The following ITGBL1 variants were observed in gnomAD, a reference collection of about 807,000 sequenced individuals.
The protein encoded by ITGBL1 is integrin beta-like protein 1.
Under a neutral mutation model 68.5 loss-of-function variants are expected in ITGBL1, and 51 were observed. The observed-to-expected ratio is 0.74, with a 90% CI of 0.59 to 0.94. The LOEUF (loss-of-function observed/expected upper bound fraction) is 0.94. ITGBL1 is among the 40% of genes least tolerant of loss of function. The pLI is 0.00. For synonymous variants in ITGBL1, 209 were observed against 227.3 expected (o/e 0.92, Z 0.72); for missense variants, 649 against 647.4 (o/e 1.00, Z -0.03).
At chr13:101,538,864 T>C (rs918211266) in intron 2 of ITGBL1, among the ~76,000 whole-genome samples, 15 of 152,030 alleles carry the variant, frequency 9.9e-5, no homozygotes, top group South Asian at 2.1e-4. Context: ...TTTATAGTCA[T>C]TATTTTACAT....
Position 101,577,335 on chromosome 13 carries a change from A to C in ITGBL1, c.586+1789A>C, listed in dbSNP as rs190772229. Among the ~76,000 whole-genome samples, 864 of 152,296 alleles carry C rather than the reference A, an allele frequency of 5.7e-3. 4 individuals carry two copies. The highest frequency in any genetic ancestry group is 9.3e-3 in the Non-Finnish European group (630 of 68,010). ...ATCAGTTTGCACAAAGCAAAGAATT[A>C]TGTTTATTGTCTGGAATATGTATTG... On this transcript the variant is annotated intron_variant, in intron 4 of 10. Transcript: ENST00000376180.
At chr13:101,643,486 G>A (rs867775044) in intron 7 of ITGBL1, among the ~76,000 whole-genome samples, 87 of 152,198 alleles carry the variant, frequency 5.7e-4, no homozygotes, top group African/African-American at 1.8e-3. Context: ...GGGTTTTCTA[G>A]ATATACAGTC....
intron 7 of ITGBL1, among the ~76,000 whole-genome samples, chr13:101,601,550 C>T (rs930550702): frequency 6.6e-6 from 1 of 152,096 alleles, no homozygotes; most frequent in Non-Finnish European, 1.5e-5. Flanking sequence ...TTAGATCTTT[C>T]CTGCTTTCTC....
At chr13:101,652,868 C>A (rs367905394) in intron 7 of ITGBL1, among the ~76,000 whole-genome samples, 16 of 152,064 alleles carry the variant, frequency 1.1e-4, no homozygotes, top group Admixed American at 3.3e-4. Flanking sequence ...GAGGCCGAGG[C>A]GGGCAGATCA....
In ITGBL1 at chr13:101,480,536, T is replaced by C. The variant is rs148346336; in HGVS notation, c.316+26436T>C. ...TAAAAGAATACAATTGGAATGTTTGTAACACAAATAAATGATAAGTGCTTG... is the reference window on the plus strand; with the variant it reads ...TAAAAGAATACAATTGGAATGTTTGCAACACAAATAAATGATAAGTGCTTG... On this transcript the variant is annotated intron_variant, in intron 2 of 10. Coordinates refer to ENST00000376180, the MANE Select transcript of ITGBL1 (RefSeq NM_004791.3). Among the ~76,000 whole-genome samples, 627 of 152,122 alleles carry C rather than the reference T, an allele frequency of 4.1e-3. 3 individuals are homozygous for C. Among genetic ancestry groups the C allele is most frequent in the African/African-American group, 0.014 (595 of 41,524 alleles).
At chr13:101,703,901 GATT>G (rs982814990) in intron 8 of ITGBL1, among the ~76,000 whole-genome samples, 19 of 152,318 alleles carry the variant, frequency 1.2e-4, no homozygotes, top group African/African-American at 4.6e-4. Flanking sequence ...AAGGCAGCCA[GATT>G]CTCTTATCTG....
At chr13:101,597,107 CA>C (rs2030017885) in intron 6 of ITGBL1, among the ~76,000 whole-genome samples, 2 of 152,268 alleles carry the variant, frequency 1.3e-5, no homozygotes, top group African/African-American at 4.8e-5. Context: ...TCATCAGTTA[CA>C]GCAAGTGTAC....
chr13:101,677,559 C>T (rs1241584499), intron 7 of ITGBL1, among the ~76,000 whole-genome samples: 5 of 152,138 alleles, frequency 3.3e-5, no homozygotes, highest in South Asian at 2.1e-4. Flanking sequence ...GGAATTCTCT[C>T]GTAGGTCTCA....
chr13:101,715,589 T>C lies in ITGBL1; in HGVS notation c.1420T>C (p.Cys474Arg). The C allele has an allele frequency of 6.2e-7, 1 of 1,613,232 alleles. No homozygotes were observed. The highest frequency in any genetic ancestry group is 8.5e-7 in the Non-Finnish European group (1 of 1,179,258). The change falls in exon 11 of 11, where the codon TGT becomes CGT. Residue 474 changes from cysteine (C) to arginine (R), a missense_variant. Physicochemically the swap from Cys to Arg is radical, Grantham distance 180. Transcript: ENST00000376180. Reference protein sequence around the residue: ...TGNGICSCGNCECWDGWNGNA... With the variant: ...TGNGICSCGNRECWDGWNGNA... ...GAATGGAATATGTAGCTGTGGAAAC[T>C]GTGAATGCTGGGATGGATGGAATGG...
intron 2 of ITGBL1, among the ~76,000 whole-genome samples, chr13:101,475,007 A>G (rs1003229163): frequency 6.6e-6 from 1 of 152,144 alleles, no homozygotes; most frequent in South Asian, 2.1e-4. Context: ...AACAATAAAT[A>G]CCTAACTCTT....
intron 3 of ITGBL1, among the ~76,000 whole-genome samples, chr13:101,569,025 A>ACACACACACACAC (rs2050227306): frequency 9.6e-6 from 1 of 103,654 alleles, no homozygotes. Context: ...CACCCCTCCA[A>ACACACACACACAC]ACACACACAC....
At chr13:101,530,447 T>C (rs2139157815) in intron 2 of ITGBL1, among the ~76,000 whole-genome samples, 1 of 152,238 alleles carries the variant, frequency 6.6e-6, no homozygotes, top group African/African-American at 2.4e-5. Context: ...GGGTGATCCT[T>C]TTCCCCACCC....
chr13:101,641,513 GTCTT>G (rs925360364), intron 7 of ITGBL1, among the ~76,000 whole-genome samples: 137 of 148,846 alleles, frequency 9.2e-4, no homozygotes, highest in African/African-American at 2.4e-3. Context: ...GTGTTTATGT[GTCTT>G]TCTTTTTTAT....
intron 7 of ITGBL1, among the ~76,000 whole-genome samples, chr13:101,637,848 A>G (rs2139423203): frequency 6.6e-6 from 1 of 152,346 alleles, no homozygotes; most frequent in African/African-American, 2.4e-5. Context: ...GAGGTCATTT[A>G]GCAGCTCATG....
At chr13:101,453,021 C>A in intron 1 of ITGBL1, 90 bp downstream of exon 1, 1 of 1,051,368 alleles carries the variant, frequency 9.5e-7, no homozygotes, top group Non-Finnish European at 1.5e-6. Flanking sequence ...AAGCCAAGAG[C>A]TGTTATTAAA....
chr13:101,655,357 A>C (rs555837211), intron 7 of ITGBL1, among the ~76,000 whole-genome samples: 6 of 151,864 alleles, frequency 4.0e-5, no homozygotes, highest in Non-Finnish European at 8.8e-5. Flanking sequence ...ATTTAAATGT[A>C]CTGAAACGCA....
intron 7 of ITGBL1, among the ~76,000 whole-genome samples, chr13:101,639,406 T>G (rs2032288894): frequency 6.6e-6 from 1 of 152,160 alleles, no homozygotes. Context: ...CTAATCATCA[T>G]TTGGAATTGG....
chr13:101,686,391 G>A (rs1279320562), intron 7 of ITGBL1, among the ~76,000 whole-genome samples: 1 of 152,126 alleles, frequency 6.6e-6, no homozygotes, highest in East Asian at 1.9e-4. Context: ...ATTTTTGAAG[G>A]CAGTTCACTG....
chr13:101,687,016 T>G (rs886491661), intron 7 of ITGBL1, among the ~76,000 whole-genome samples: 13 of 152,142 alleles, frequency 8.5e-5, no homozygotes, highest in African/African-American at 3.1e-4. Flanking sequence ...TTATTACATA[T>G]ATTGTGACCT....
Sources: gnomAD v4.1 joint callset for allele counts (sites outside exome capture counted in the v4.1 genomes callset) on GRCh38, gnomAD v4.1.1 for gene constraint, MANE v1.5 for transcripts, NCBI Gene and HGNC (gene_info 2026-07-23, HGNC 2026-07-21) for gene names.